The following FAT3 variants were observed in gnomAD, a reference collection of about 807,000 sequenced individuals.
FAT3 encodes the protein protocadherin Fat 3.
In FAT3, 95 loss-of-function variants were observed where a neutral mutation model predicts 310.2. That is an observed-to-expected ratio of 0.31 (90% confidence interval 0.26 to 0.36). The LOEUF (loss-of-function observed/expected upper bound fraction) is 0.36. FAT3 is among the 10% of genes least tolerant of loss of function. The pLI is 1.00. For synonymous variants in FAT3, 2,314 were observed against 2,192.9 expected (o/e 1.06, Z -1.54); for missense variants, 5,408 against 5,715.6 (o/e 0.95, Z 1.74).
intron 1 of FAT3, among the ~76,000 whole-genome samples, chr11:92,329,158 T>C (rs570732021): frequency 6.6e-6 from 1 of 152,002 alleles, no homozygotes; most frequent in South Asian, 2.1e-4. Flanking sequence ...TTTTGCTAGG[T>C]ATTACATGTG....
intron 2 of FAT3, among the ~76,000 whole-genome samples, chr11:92,427,873 C>G (rs1270973402): frequency 6.6e-6 from 1 of 151,998 alleles, no homozygotes; most frequent in South Asian, 2.1e-4. Flanking sequence ...TCAGGATGAT[C>G]TTGGCCTCAT....
chr11:92,282,178 C>T (rs555594310), intron 1 of FAT3, among the ~76,000 whole-genome samples: 14 of 152,144 alleles, frequency 9.2e-5, no homozygotes, highest in African/African-American at 3.1e-4. Flanking sequence ...AGACATTGTC[C>T]CTTCTTTAAG....
intron 1 of FAT3, among the ~76,000 whole-genome samples, chr11:92,315,469 G>C (rs1947416274): frequency 1.2e-5 from 1 of 81,582 alleles, no homozygotes; most frequent in Admixed American, 1.6e-4. Flanking sequence ...GTGTGTGTGT[G>C]TGTGTGTGTG....
intron 1 of FAT3, among the ~76,000 whole-genome samples, chr11:92,330,598 G>A (rs2134533865): frequency 6.6e-6 from 1 of 152,284 alleles, no homozygotes; most frequent in Admixed American, 6.5e-5. Flanking sequence ...TACAACTCAG[G>A]TCTTCATGTT....
intron 3 of FAT3, among the ~76,000 whole-genome samples, chr11:92,587,788 A>G (rs1327945244): frequency 6.6e-6 from 1 of 151,968 alleles, no homozygotes; most frequent in African/African-American, 2.4e-5. Context: ...CCTTTAAGAA[A>G]TGTTTGGTCC....
chr11:92,636,069 T>C (rs79751811), intron 3 of FAT3, among the ~76,000 whole-genome samples: 2,431 of 152,200 alleles, frequency 0.016, 50 homozygotes, highest in African/African-American at 0.056. Context: ...GCTCAAGCAG[T>C]CCTCCCACCT....
chr11:92,314,425 A>T (rs1947383007), intron 1 of FAT3: 1 of 327,126 alleles, frequency 3.1e-6, no homozygotes, highest in Admixed American at 6.5e-5. Context: ...GTAGAAGGGA[A>T]AGAGAATTTT....
intron 4 of FAT3, among the ~76,000 whole-genome samples, chr11:92,741,938 C>T (rs763181706): frequency 1.3e-5 from 2 of 152,154 alleles, no homozygotes; most frequent in Non-Finnish European, 2.9e-5. Flanking sequence ...ATTAAAATAG[C>T]ATGCTATTAG....
At position 92,353,640 on chromosome 11, in the gene FAT3, A is replaced by G. The variant is rs1470392937; in HGVS notation, c.1528A>G (p.Ser510Gly). Residue 510 changes from serine to glycine, a missense_variant, in exon 2 of 28, where the codon AGT (serine) becomes GGT (glycine). Ser to Gly is a moderately conservative substitution (Grantham distance 56). This residue lies in a region of FAT3 where 4,588 missense variants were observed against 4,809.8 expected (regional missense o/e 0.95). Transcript: ENST00000525166. ...AGGAGAAAATGGGTACATCACCTAT[A>G]GTATCGCTAGCCTGAATTTGTTACC... ...DKGENGYITY[S>G]IASLNLLPFV... is the part of the protein sequence containing the mutation. 2 of 1,613,910 alleles carry G rather than the reference A, an allele frequency of 1.2e-6. No individual in the cohort carries two copies. Among genetic ancestry groups the G allele is most frequent in the South Asian group, 1.1e-5 (1 of 91,080 alleles).
At chr11:92,312,406 C>T (rs914892408) in intron 1 of FAT3, among the ~76,000 whole-genome samples, 12 of 152,154 alleles carry the variant, frequency 7.9e-5, no homozygotes, top group African/African-American at 2.9e-4. Context: ...ATTCTTCCTA[C>T]ATGTATATTA....
In FAT3 at chr11:92,762,013, A is replaced by G. The variant is rs755660417; in HGVS notation, c.3827A>G (p.Tyr1276Cys). ...CGAAAGAAGAGAGGAGAACCGATTT[A>G]CAGGGCTTTTGCATTTGATAGAGAT... is the stretch of plus-strand genomic sequence containing the variant. ...RDRKKRGEPI[Y>C]RAFAFDRDEG... The change falls in exon 5 of 28, where the codon TAC (tyrosine) becomes TGC (cysteine). Residue 1276 changes from tyrosine (Y) to cysteine (C), a missense_variant. Tyr to Cys is a radical substitution (Grantham distance 194). This residue lies in a region of FAT3 where 4,588 missense variants were observed against 4,809.8 expected (regional missense o/e 0.95). Transcript: ENST00000525166. The G allele has an allele frequency of 6.2e-6, 10 of 1,613,882 alleles. No individual in the cohort carries two copies. The East Asian group carries it at 2.0e-4, about 32-fold the overall frequency.
chr11:92,867,236 G>C (rs1173599934), intron 22 of FAT3, 27 bp downstream of exon 22: 1 of 1,521,540 alleles, frequency 6.6e-7, no homozygotes, highest in South Asian at 1.2e-5. Context: ...AGTGGGCACT[G>C]GCCTGGGGGT....
chr11:92,764,896 T>A lies in FAT3; in HGVS notation c.4002T>A (p.Asn1334Lys). The A allele has an allele frequency of 6.2e-7, 1 of 1,613,674 alleles. No homozygotes were observed. Among genetic ancestry groups the A allele is most frequent in the South Asian group, 1.1e-5 (1 of 91,056 alleles). The change falls in exon 6 of 28, where the codon AAT becomes AAA. Residue 1334 changes from asparagine (N) to lysine (K), a missense_variant. Transcript: ENST00000525166. ...GTGAGTAGATAAAGGCAGTGGACAATGGGCGCCCACAGAAATCCTCCACGG... is the reference window on the plus strand; with the variant it reads ...GTGAGTAGATAAAGGCAGTGGACAAAGGGCGCCCACAGAAATCCTCCACGG... ...YDILTIKAVD[N>K]GRPQKSSTAR...
chr11:92,265,243 C>G (rs932032996), intron 1 of FAT3, among the ~76,000 whole-genome samples: 5 of 151,690 alleles, frequency 3.3e-5, no homozygotes, highest in Non-Finnish European at 2.9e-5. Flanking sequence ...TTCTGCTTGA[C>G]TAGACTAGGA....
intron 2 of FAT3, among the ~76,000 whole-genome samples, chr11:92,431,837 T>C (rs1050994393): frequency 1.1e-4 from 16 of 152,228 alleles, no homozygotes; most frequent in Admixed American, 2.0e-4. Flanking sequence ...CTGAGGGCTC[T>C]ATTCTATTCC....
chr11:92,494,495 G>A (rs2135248713), intron 2 of FAT3, among the ~76,000 whole-genome samples: 1 of 152,084 alleles, frequency 6.6e-6, no homozygotes, highest in Admixed American at 6.6e-5. Context: ...TTTTATAACT[G>A]TGATCACCAT....
intron 2 of FAT3, among the ~76,000 whole-genome samples, chr11:92,458,719 T>C (rs643695): frequency 0.71 from 107,903 of 152,048 alleles, 40,548 homozygotes; most frequent in East Asian, 0.87. Flanking sequence ...TGAGCTTTTA[T>C]AGCCTGTAAT....
intron 1 of FAT3, among the ~76,000 whole-genome samples, chr11:92,246,080 G>A (rs1020250981): frequency 5.3e-5 from 8 of 152,096 alleles, no homozygotes; most frequent in Admixed American, 2.6e-4. Context: ...ACTGACTGTC[G>A]ACTGAGCAAT....
At chr11:92,346,637 G>A (rs1194872272) in intron 1 of FAT3, among the ~76,000 whole-genome samples, 1 of 151,850 alleles carries the variant, frequency 6.6e-6, no homozygotes, top group Non-Finnish European at 1.5e-5. Flanking sequence ...ACTATGTGCC[G>A]GACACTATGT....
Sources: gnomAD v4.1 joint callset for allele counts (sites outside exome capture counted in the v4.1 genomes callset) on GRCh38, gnomAD v4.1.1 for gene constraint, gnomAD v4.1.1 regional missense constraint, MANE v1.5 for transcripts, NCBI Gene and HGNC (gene_info 2026-07-23, HGNC 2026-07-21) for gene names.